Variants in SEL1L2 observed in about 807,000 individuals in gnomAD.
The protein encoded by SEL1L2 is SEL1L2 adaptor subunit of SYVN1 ubiquitin ligase.
SEL1L2 carries 89 observed loss-of-function variants against 98.8 expected under a neutral mutation model. The observed-to-expected ratio is 0.90, with a 90% confidence interval of 0.76 to 1.07. SEL1L2 has a LOEUF of 1.07. Ranked by LOEUF, SEL1L2 falls within the 50% of genes least tolerant of loss-of-function variation. The pLI, the probability that SEL1L2 is intolerant of heterozygous loss-of-function variation, is 0.00. For synonymous variants in SEL1L2, 262 were observed against 278.5 expected, an observed-to-expected ratio of 0.94 and a Z score of 0.59; for missense variants, 788 against 812.0, an observed-to-expected ratio of 0.97 and a Z score of 0.36.
chr20:13,921,862 T>C (rs1260934760), intron 3 of SEL1L2, among the ~76,000 whole-genome samples: 1 of 152,134 alleles, frequency 6.6e-6, no homozygotes, highest in Non-Finnish European at 1.5e-5. Context: ...CGTCATTTAC[T>C]AGATACCAAC....
chr20:13,994,192 A>C (rs1388812273), upstream of SEL1L2, among the ~76,000 whole-genome samples: 1 of 149,324 alleles, frequency 6.7e-6, no homozygotes, highest in East Asian at 2.0e-4. Context: ...GCTACTCCAG[A>C]GGCTGAGGCA....
chr20:13,929,722 G>C (rs553715059), intron 3 of SEL1L2, among the ~76,000 whole-genome samples: 1 of 151,254 alleles, frequency 6.6e-6, no homozygotes, highest in African/African-American at 2.4e-5. Context: ...GGATGGTCTC[G>C]ATCTCCTGAC....
chr20:13,875,038 G>T (rs949226900), intron 12 of SEL1L2, among the ~76,000 whole-genome samples: 3 of 152,194 alleles, frequency 2.0e-5, no homozygotes, highest in African/African-American at 7.2e-5. Context: ...AGGAGCAGAG[G>T]CAAAGACTTC....
intron 1 of SEL1L2, among the ~76,000 whole-genome samples, chr20:13,984,871 T>A (rs1251331776): frequency 6.6e-6 from 1 of 152,204 alleles, no homozygotes; most frequent in Non-Finnish European, 1.5e-5. Context: ...TTTTGATACA[T>A]ATATACAATG....
chr20:13,868,606 CTTTTTTT>C (rs1259507156), intron 14 of SEL1L2, among the ~76,000 whole-genome samples: 242 of 138,588 alleles, frequency 1.7e-3, no homozygotes, highest in Admixed American at 0.012. Context: ...TTCTTTCTTA[CTTTTTTT>C]TTTTTTTTTT....
At position 13,939,040 on chromosome 20, in the gene SEL1L2, G is replaced by GGTTTTTTTTTTTTT; in HGVS notation, c.115-7270_115-7269insAAAAAAAAAAAAAC. On this transcript the variant is annotated intron_variant, in intron 2 of 19. Coordinates refer to ENST00000284951, the MANE Select transcript of SEL1L2 (RefSeq NM_025229.2). The stretch of plus-strand genomic sequence containing the variant: ...TCTTTTTGGTTTGTTTGCTTGTTTT[G>GGTTTTTTTTTTTTT]TTTTTTTTTTTTTTTTTTTCTGAGA... 4.8e-4 allele frequency among the ~76,000 whole-genome samples: 55 copies of GGTTTTTTTTTTTTT among 114,086 alleles called. 8 individuals carry two copies. The highest frequency in any genetic ancestry group is 8.6e-4 in the South Asian group (3 of 3,472). The allele number at this position is 114,086 out of a possible 152,430, so 74.8% of individuals were successfully genotyped here. A position where few individuals can be genotyped will look rare whatever the true frequency, so the allele number is the denominator to read the frequency against.
chr20:13,942,431 T>C (rs1431160195), intron 2 of SEL1L2, among the ~76,000 whole-genome samples: 1 of 152,132 alleles, frequency 6.6e-6, no homozygotes, highest in Non-Finnish European at 1.5e-5. Flanking sequence ...GTCCCTGAAA[T>C]CTGTTAGACG....
rs372215176 is a variant in SEL1L2, at chr20:13,897,819, C to T, written c.550-9307G>A. ...GGTGGAGGTTGAAGTGAGCCAAGAT[C>T]GTGCCACTGCACTCCAGCCTGGGCA... is the stretch of plus-strand genomic sequence containing the variant. On this transcript the variant is annotated intron_variant, in intron 5 of 19. Coordinates refer to ENST00000284951, the MANE Select transcript of SEL1L2 (RefSeq NM_025229.2). Among the ~76,000 whole-genome samples, 20 of 152,066 alleles carry T rather than the reference C, an allele frequency of 1.3e-4. No homozygotes were observed. In the East Asian group the frequency reaches 3.1e-3, roughly 24 times the overall value.
intron 2 of SEL1L2, among the ~76,000 whole-genome samples, chr20:13,949,390 C>T (rs1569024942): frequency 6.6e-6 from 1 of 152,166 alleles, no homozygotes; most frequent in African/African-American, 2.4e-5. Context: ...ACAGGCCGGG[C>T]GCGGTGGCTC....
intron 2 of SEL1L2, among the ~76,000 whole-genome samples, chr20:13,952,223 CAA>C (rs1429113099): frequency 6.6e-6 from 1 of 152,086 alleles, no homozygotes; most frequent in Non-Finnish European, 1.5e-5. Context: ...CATTTTTTCC[CAA>C]ACTCAATTCC....
chr20:13,893,813 T>A lies in SEL1L2; in HGVS notation c.550-5301A>T, dbSNP rs563321661. On this transcript the variant is annotated intron_variant, in intron 5 of 19. Transcript: ENST00000284951. ...AAGTCTCAACAAATTTAAGAATATT[T>A]AAATCATACCAAATATCTTTTCCAA... Among the ~76,000 whole-genome samples, 5 of 152,250 alleles carry A rather than the reference T, an allele frequency of 3.3e-5. No individual in the cohort carries two copies. The South Asian group carries it at 8.3e-4, about 25-fold the overall frequency.
In SEL1L2 at chr20:13,859,423, C is replaced by A. The variant is rs569363351; in HGVS notation, c.1657G>T (p.Ala553Ser). 8 of 1,613,162 alleles carry A rather than the reference C, an allele frequency of 5.0e-6. No individual in the cohort carries two copies. The highest frequency in any genetic ancestry group is 5.9e-6 in the Non-Finnish European group (7 of 1,179,244). Reference protein sequence around the residue: ...NRAAIQGNAFARVKIGDYHYY... With the variant: ...NRAAIQGNAFSRVKIGDYHYY... ...TGGTAATCTCCAATTTTTACTCTAG[C>A]AAATGCATTGCCTGATAGAAATATT... The change falls in exon 18 of 20, where the codon GCT (alanine) becomes TCT (serine). Residue 553 changes from alanine to serine, a missense_variant. Physicochemically the swap from Ala to Ser is moderately conservative, Grantham distance 99. Coordinates refer to ENST00000284951, the MANE Select transcript of SEL1L2 (RefSeq NM_025229.2).
intron 2 of SEL1L2, among the ~76,000 whole-genome samples, chr20:13,934,135 C>G (rs931064082): frequency 6.7e-6 from 1 of 149,456 alleles, no homozygotes; most frequent in Non-Finnish European, 1.5e-5. Flanking sequence ...CCCTTTCCCC[C>G]CAATTCCCCA....
At chr20:13,902,497 A>G (rs1253135673) in intron 5 of SEL1L2, among the ~76,000 whole-genome samples, 1 of 152,130 alleles carries the variant, frequency 6.6e-6, no homozygotes, top group African/African-American at 2.4e-5. Context: ...GTTTCAGTCC[A>G]TTGCGATCAT....
At chr20:13,964,907 C>T (rs2050969890) in intron 1 of SEL1L2, among the ~76,000 whole-genome samples, 1 of 152,132 alleles carries the variant, frequency 6.6e-6, no homozygotes. Context: ...TCTTTTTAGA[C>T]GCTGTTGTAC....
In SEL1L2 at chr20:13,940,864, C is replaced by T. The variant is rs573922984; in HGVS notation, c.115-9093G>A. Among the ~76,000 whole-genome samples the T allele has an allele frequency of 3.9e-4, 60 of 152,112 alleles. 1 individual carries two copies. The South Asian group carries it at 4.6e-3, about 12-fold the overall frequency. Reference sequence around the variant, plus strand: ...GCACTGAGCCAAGATCTCACCACTGCACTCCAGCCTGGGTGACAGAGCGAG... The same window carrying T: ...GCACTGAGCCAAGATCTCACCACTGTACTCCAGCCTGGGTGACAGAGCGAG... On this transcript the variant is annotated intron_variant, in intron 2 of 19. Transcript: ENST00000284951.
At chr20:13,953,282 C>A (rs1342494521) in intron 2 of SEL1L2, among the ~76,000 whole-genome samples, 1 of 152,006 alleles carries the variant, frequency 6.6e-6, no homozygotes, top group Non-Finnish European at 1.5e-5. Context: ...TTTCTAATAA[C>A]CTGGTTTGTC....
At chr20:13,858,968 T>A (rs190454830) in intron 18 of SEL1L2, among the ~76,000 whole-genome samples, 1 of 152,316 alleles carries the variant, frequency 6.6e-6, no homozygotes, top group East Asian at 1.9e-4. Flanking sequence ...CAGGGCCTAC[T>A]GGAAAAAGCA....
chr20:13,850,222 G>C lies in SEL1L2; in HGVS notation c.1916C>G (p.Thr639Arg). Residue 639 changes from threonine (T) to arginine (R), a missense_variant, in exon 19 of 20, where the codon ACG becomes AGG. Thr to Arg is a moderately conservative substitution (Grantham distance 71). Transcript: ENST00000284951. ...AAACAGGATATCCCGGAGCAAATGCGTAGTTTCCAGTTTCATGACGGCAAA... is the reference window on the plus strand; with the variant it reads ...AAACAGGATATCCCGGAGCAAATGCCTAGTTTCCAGTTTCATGACGGCAAA... ...VLFAVMKLET[T>R]HLLRDILFFN... 6.2e-7 allele frequency: 1 copy of C among 1,613,964 alleles called. No homozygotes were observed. The highest frequency in any genetic ancestry group is 8.5e-7 in the Non-Finnish European group (1 of 1,179,874).
Sources: allele counts gnomAD v4.1 joint callset (sites outside exome capture counted in the v4.1 genomes callset), GRCh38; gene constraint gnomAD v4.1.1; transcripts MANE v1.5; gene names NCBI Gene and HGNC (gene_info 2026-07-23, HGNC 2026-07-21).